GALNT13: variants seen among roughly 807,000 people sequenced by gnomAD.
The protein encoded by GALNT13 is UDP-GalNAc:polypeptide N-acetylgalactosaminyltransferase 13.
In GALNT13, 28 loss-of-function variants were observed where a neutral mutation model predicts 64.2. That is an observed-to-expected ratio of 0.44 (90% CI 0.32 to 0.60). The LOEUF is 0.60. Among genes scored for constraint, GALNT13 ranks in the 20% least tolerant of loss-of-function variants. The pLI is 0.05. For missense variants in GALNT13, 577 were observed against 669.8 expected (o/e 0.86, Z 1.53); for synonymous variants, 214 against 224.6 (o/e 0.95, Z 0.42).
the GALNT13 span, among the ~76,000 whole-genome samples, chr2:153,662,329 G>T: frequency 3.9e-5 from 6 of 152,082 alleles, no homozygotes; most frequent in Admixed American, 6.6e-5. Context: ...CTATCTTTCT[G>T]CCCACTTCCG....
the GALNT13 span, among the ~76,000 whole-genome samples, chr2:153,677,736 C>A: frequency 6.6e-6 from 1 of 151,344 alleles, no homozygotes; most frequent in Non-Finnish European, 1.5e-5. Context: ...TGCACACTTA[C>A]AACCATCTGA....
the GALNT13 span, among the ~76,000 whole-genome samples, chr2:153,645,249 T>C: frequency 3.9e-5 from 6 of 152,296 alleles, no homozygotes; most frequent in South Asian, 8.3e-4. Flanking sequence ...AGTTATATAC[T>C]TAATTTTATA....
At chr2:154,429,174 CAT>C (rs1281263917) in intron 11 of GALNT13, among the ~76,000 whole-genome samples, 2 of 152,100 alleles carry the variant, frequency 1.3e-5, no homozygotes, top group Non-Finnish European at 2.9e-5. Flanking sequence ...AGGAAAGTCA[CAT>C]GTTTCTCACT....
At chr2:154,425,897 T>C (rs895189246) in intron 11 of GALNT13, among the ~76,000 whole-genome samples, 1 of 152,184 alleles carries the variant, frequency 6.6e-6, no homozygotes, top group Non-Finnish European at 1.5e-5. Flanking sequence ...ATGTCTCACA[T>C]GGTGAGAACA....
intron 9 of GALNT13, among the ~76,000 whole-genome samples, chr2:154,371,760 C>CTTT (rs11429388): frequency 2.4e-4 from 35 of 145,376 alleles, no homozygotes; most frequent in South Asian, 4.4e-4. Context: ...AGGCCTTAAG[C>CTTT]TTTTTTTGTG....
At chr2:154,446,550 A>AT (rs35493237) in intron 12 of GALNT13, 14 of 1,518,526 alleles carry the variant, frequency 9.2e-6, no homozygotes, top group Non-Finnish European at 6.2e-6. Context: ...ATTATTCGTT[A>AT]TTTTCTTTGT....
the GALNT13 span, among the ~76,000 whole-genome samples, chr2:153,628,193 T>A: frequency 1.6e-4 from 25 of 152,004 alleles, no homozygotes; most frequent in Admixed American, 3.3e-4. Flanking sequence ...GTACATTGAT[T>A]TTGTATCCTG....
chr2:153,686,026 C>T, the GALNT13 span, among the ~76,000 whole-genome samples: 26 of 151,930 alleles, frequency 1.7e-4, no homozygotes, highest in Non-Finnish European at 3.2e-4. Flanking sequence ...ACCAGTACCA[C>T]GCTGTTTCAG....
At chr2:153,261,347 C>T in the GALNT13 span, among the ~76,000 whole-genome samples, 12 of 152,090 alleles carry the variant, frequency 7.9e-5, no homozygotes, top group African/African-American at 1.2e-4. Context: ...CTATCCTTTT[C>T]GAGGACATTC....
intron 4 of GALNT13, among the ~76,000 whole-genome samples, chr2:154,198,631 A>G (rs1250062063): frequency 1.3e-5 from 2 of 151,856 alleles, no homozygotes; most frequent in South Asian, 2.1e-4. Context: ...AGTACCCTAT[A>G]AGGGGTACTT....
chr2:154,430,343 C>T (rs571765347), intron 11 of GALNT13, among the ~76,000 whole-genome samples: 1 of 152,244 alleles, frequency 6.6e-6, no homozygotes, highest in Non-Finnish European at 1.5e-5. Context: ...TCCCAACCCT[C>T]TTAGATGACT....
chr2:153,670,839 A>G, the GALNT13 span, among the ~76,000 whole-genome samples: 1 of 152,230 alleles, frequency 6.6e-6, no homozygotes, highest in Non-Finnish European at 1.5e-5. Flanking sequence ...TAGAATAACC[A>G]GTGCAGAGAA....
intron 7 of GALNT13, among the ~76,000 whole-genome samples, chr2:154,248,291 GGGC>G (rs1431326017): frequency 1.4e-5 from 2 of 147,464 alleles, no homozygotes; most frequent in Non-Finnish European, 3.0e-5. Flanking sequence ...TTATTTTTCT[GGGC>G]TTTGGTATTT....
At chr2:153,364,365 A>C in the GALNT13 span, among the ~76,000 whole-genome samples, 1 of 152,124 alleles carries the variant, frequency 6.6e-6, no homozygotes, top group East Asian at 1.9e-4. Flanking sequence ...CCTGTTCAAC[A>C]TACTATTGGA....
At chr2:153,210,433 A>G in the GALNT13 span, among the ~76,000 whole-genome samples, 3 of 152,132 alleles carry the variant, frequency 2.0e-5, no homozygotes, top group Admixed American at 1.3e-4. Context: ...TTTTTAGTCT[A>G]TTGTCACAGT....
chr2:153,791,254 A>G, the GALNT13 span, among the ~76,000 whole-genome samples: 1 of 152,230 alleles, frequency 6.6e-6, no homozygotes, highest in African/African-American at 2.4e-5. Context: ...ACCTGTGGCC[A>G]ACAATAATAT....
chr2:154,046,514 CAGGAAAA>C, intron 3 of GALNT13, among the ~76,000 whole-genome samples: 1 of 152,112 alleles, frequency 6.6e-6, no homozygotes, highest in Non-Finnish European at 1.5e-5. Context: ...TTTAGTCCTC[CAGGAAAA>C]AGTTCTGGGC....
chr2:154,122,982 A>G (rs554796152), intron 3 of GALNT13, among the ~76,000 whole-genome samples: 1 of 152,164 alleles, frequency 6.6e-6, no homozygotes, highest in African/African-American at 2.4e-5. Context: ...AGGAACATGG[A>G]TAAGAAATAC....
chr2:153,260,136 A>G, the GALNT13 span, among the ~76,000 whole-genome samples: 3 of 152,048 alleles, frequency 2.0e-5, no homozygotes, highest in East Asian at 5.8e-4. Context: ...ACTTTTTGTC[A>G]CTTCTATTTA....
Sources: gnomAD v4.1 joint callset for allele counts (sites outside exome capture counted in the v4.1 genomes callset) on GRCh38, gnomAD v4.1.1 for gene constraint, MANE v1.5 for transcripts, NCBI Gene and HGNC (gene_info 2026-07-23, HGNC 2026-07-21) for gene names.